The following FANCB variants were observed in gnomAD, a reference collection of about 807,000 sequenced individuals.
The protein encoded by FANCB is FA complementation group B.
A neutral mutation model predicts 38.9 loss-of-function variants in FANCB; 5 were observed. The observed-to-expected ratio is 0.13, with a 90% CI of 0.07 to 0.27. The LOEUF is 0.27. Among genes scored for constraint, FANCB ranks in the 10% least tolerant of loss-of-function variants. The pLI, the probability that FANCB is intolerant of heterozygous loss-of-function variation, is 1.00. For missense variants in FANCB, 573 were observed against 602.7 expected, an observed-to-expected ratio of 0.95 and a Z score of 0.52; for synonymous variants, 236 against 215.4, an observed-to-expected ratio of 1.10 and a Z score of -0.84.
chrX:14,720,949 T>A, the FANCB span, among the ~76,000 whole-genome samples: 1 of 109,256 alleles, frequency 9.2e-6, no homozygotes, highest in African/African-American at 3.3e-5. Context: ...CTGGACAATA[T>A]AGTGAGACCC....
chrX:14,867,207 T>G (rs1856185792), intron 2 of FANCB, among the ~76,000 whole-genome samples: 2 of 111,524 alleles, frequency 1.8e-5, no homozygotes, highest in African/African-American at 6.5e-5. Context: ...ATCAATGACA[T>G]TCTTCACAGA....
chrX:14,814,587 T>C, the FANCB span, among the ~76,000 whole-genome samples: 9 of 112,411 alleles, frequency 8.0e-5, no homozygotes, highest in East Asian at 1.9e-3. Flanking sequence ...TCATCACTGG[T>C]CATCAGAGAA....
the FANCB span, among the ~76,000 whole-genome samples, chrX:14,826,851 T>C: frequency 8.9e-6 from 1 of 112,087 alleles, no homozygotes; most frequent in Admixed American, 9.5e-5. Context: ...TTCCCTACTC[T>C]AAGTTAGTAA....
chrX:14,834,514 T>C, downstream of FANCB: 1 of 504,212 alleles, frequency 2.0e-6, no homozygotes, highest in Non-Finnish European at 3.6e-6. Context: ...AATAGCCTCC[T>C]GGTCAGTCAC....
the FANCB span, among the ~76,000 whole-genome samples, chrX:14,752,242 G>A: frequency 9.0e-6 from 1 of 111,681 alleles, no homozygotes; most frequent in Non-Finnish European, 1.9e-5. Context: ...TTCCACAGGG[G>A]TAACTACAGG....
the FANCB span, among the ~76,000 whole-genome samples, chrX:14,740,286 A>C: frequency 9.0e-6 from 1 of 111,322 alleles, no homozygotes; most frequent in East Asian, 2.8e-4. Context: ...CAAACCAGAT[A>C]ATGTCACTGT....
the FANCB span, among the ~76,000 whole-genome samples, chrX:14,745,071 C>T: frequency 7.1e-5 from 8 of 111,959 alleles, no homozygotes; most frequent in Non-Finnish European, 1.3e-4. Flanking sequence ...GACCCCAAAC[C>T]TCAGGATTGA....
the FANCB span, among the ~76,000 whole-genome samples, chrX:14,763,578 A>G: frequency 8.9e-6 from 1 of 112,020 alleles, no homozygotes; most frequent in Non-Finnish European, 1.9e-5. Context: ...CTTGATCTGT[A>G]TAGTTACATG....
chrX:14,697,425 T>C, the FANCB span, among the ~76,000 whole-genome samples: 6 of 112,284 alleles, frequency 5.3e-5, no homozygotes, highest in Non-Finnish European at 9.4e-5. Context: ...GGGGTATGCA[T>C]GTGCAGTGAA....
intron 7 of FANCB, among the ~76,000 whole-genome samples, chrX:14,849,441 A>G (rs762814990): frequency 9.0e-6 from 1 of 111,702 alleles, no homozygotes; most frequent in African/African-American, 3.3e-5. Flanking sequence ...TACTGCCATC[A>G]CCTATTACAA....
chrX:14,805,899 T>C, the FANCB span, among the ~76,000 whole-genome samples: 4 of 112,264 alleles, frequency 3.6e-5, no homozygotes, highest in African/African-American at 1.3e-4. Context: ...CACAAGGATG[T>C]CTAGTCCTTC....
chrX:14,711,966 G>A, the FANCB span, among the ~76,000 whole-genome samples: 3 of 112,468 alleles, frequency 2.7e-5, no homozygotes, highest in African/African-American at 6.5e-5. Context: ...CAAATCTTCC[G>A]CGATTAAGAT....
At chrX:14,813,715 A>T in the FANCB span, among the ~76,000 whole-genome samples, 1 of 112,077 alleles carries the variant, frequency 8.9e-6, no homozygotes, top group African/African-American at 3.2e-5. Flanking sequence ...GCTCATGGAT[A>T]GGAAGAATCA....
chrX:14,865,570 T>C lies in FANCB; in HGVS notation c.-60A>G, dbSNP rs766037619. The C allele has an allele frequency of 1.4e-5, 13 of 929,890 alleles. No homozygotes were observed. Among genetic ancestry groups the C allele is most frequent in the Non-Finnish European group, 2.0e-5 (13 of 652,900 alleles). 76.6% of individuals were successfully genotyped at this position (929,890 alleles called of 1,213,427 possible). On this transcript the variant is annotated 5_prime_UTR_variant, in exon 3 of 10. Transcript: ENST00000650831. ...TCAAATGCAAATTGATTCCAGTTGA[T>C]GTTTCTAAACCTAAAAAAGAAATGA...
the FANCB span, among the ~76,000 whole-genome samples, chrX:14,770,127 G>T: frequency 8.9e-6 from 1 of 112,428 alleles, no homozygotes; most frequent in Non-Finnish European, 1.9e-5. Context: ...TTGAATTTGG[G>T]TGGAAAGTTC....
At chrX:14,813,167 A>C in the FANCB span, among the ~76,000 whole-genome samples, 2 of 109,532 alleles carry the variant, frequency 1.8e-5, no homozygotes, top group South Asian at 7.9e-4. Context: ...GATGTATCTC[A>C]AAATAATAAG....
At chrX:14,863,265 A>T (rs1456983506) in intron 3 of FANCB, among the ~76,000 whole-genome samples, 1 of 112,566 alleles carries the variant, frequency 8.9e-6, no homozygotes, top group African/African-American at 3.2e-5. Context: ...CATAGAGGTG[A>T]TAATATAATG....
chrX:14,729,930 G>C, the FANCB span, among the ~76,000 whole-genome samples: 5 of 111,981 alleles, frequency 4.5e-5, no homozygotes, highest in African/African-American at 1.6e-4. Flanking sequence ...TTTTGGGAAA[G>C]TCAGTACTGA....
At chrX:14,725,170 T>C in the FANCB span, among the ~76,000 whole-genome samples, 1 of 111,848 alleles carries the variant, frequency 8.9e-6, no homozygotes, top group Non-Finnish European at 1.9e-5. Flanking sequence ...CTGACCATGG[T>C]TTTAAGTGAA....
Sources: allele counts gnomAD v4.1 joint callset (sites outside exome capture counted in the v4.1 genomes callset), GRCh38; gene constraint gnomAD v4.1.1; transcripts MANE v1.5; gene names NCBI Gene and HGNC (gene_info 2026-07-23, HGNC 2026-07-21).